Variants in RNF185 observed in about 807,000 individuals in gnomAD.
RNF185 encodes E3 ubiquitin-protein ligase RNF185.
In RNF185, 13 loss-of-function variants were observed where a neutral mutation model predicts 24.9. The observed-to-expected ratio is 0.52, with a 90% CI of 0.34 to 0.83. RNF185 has a LOEUF of 0.83. Ranked by LOEUF, RNF185 falls within the 40% of genes least tolerant of loss-of-function variation. The pLI, the probability that RNF185 is intolerant of heterozygous loss-of-function variation, is 0.01. For synonymous variants in RNF185, 79 were observed against 90.3 expected, an observed-to-expected ratio of 0.88 and a Z score of 0.71; for missense variants, 184 against 244.7, an observed-to-expected ratio of 0.75 and a Z score of 1.65.
chr22:31,184,476 C>T (rs1327312007), intron 1 of RNF185, among the ~76,000 whole-genome samples: 4 of 151,760 alleles, frequency 2.6e-5, no homozygotes, highest in Admixed American at 6.6e-5. Flanking sequence ...AGACGATGGG[C>T]GGCCAGGCAG....
chr22:31,187,674 T>C (rs2048113135), intron 2 of RNF185, among the ~76,000 whole-genome samples: 1 of 152,228 alleles, frequency 6.6e-6, no homozygotes, highest in African/African-American at 2.4e-5. Flanking sequence ...TGCCTCATTT[T>C]ACAGGGTCGT....
chr22:31,196,426 A>G (rs1004247859), intron 4 of RNF185, among the ~76,000 whole-genome samples: 7 of 152,152 alleles, frequency 4.6e-5, no homozygotes, highest in African/African-American at 1.7e-4. Flanking sequence ...CTAAGCCCTC[A>G]ATTGAGTATT....
Position 31,187,262 on chromosome 22 carries a change from C to T in RNF185, c.168C>T (p.His56=), listed in dbSNP as rs2048109377. ...AKDAVISLCG[H]LFCWPCLHQW... ...ATGCCGTCATCAGCCTGTGTGGCCA[C>T]CTCTTCTGGTCAGTACCCCTACTTC... The change falls in exon 2 of 7, where the codon CAC becomes CAT. Residue 56 remains histidine (H), a synonymous_variant. Coordinates refer to ENST00000326132, the MANE Select transcript of RNF185 (RefSeq NM_152267.4). The T allele has an allele frequency of 6.2e-7, 1 of 1,613,962 alleles. No individual in the cohort carries two copies. Among genetic ancestry groups the T allele is most frequent in the Non-Finnish European group, 8.5e-7 (1 of 1,179,868 alleles).
chr22:31,204,047 GA>G (rs34570885), intron 6 of RNF185, among the ~76,000 whole-genome samples: 50,498 of 112,068 alleles, frequency 0.45, 10,726 homozygotes, highest in Middle Eastern at 0.59. Flanking sequence ...ACCTCAAAAA[GA>G]AAAAAAAAAA....
chr22:31,172,030 T>TA (rs548668362), intron 1 of RNF185, among the ~76,000 whole-genome samples: 1 of 152,244 alleles, frequency 6.6e-6, no homozygotes, highest in Non-Finnish European at 1.5e-5. Flanking sequence ...TATTAAAATT[T>TA]AAAAAGTTTT....
intron 2 of RNF185, among the ~76,000 whole-genome samples, chr22:31,188,451 A>G (rs976605017): frequency 6.6e-6 from 1 of 152,206 alleles, no homozygotes; most frequent in African/African-American, 2.4e-5. Flanking sequence ...AATGATTGAC[A>G]AAATTAAGAA....
chr22:31,167,611 T>C (rs983878436), intron 1 of RNF185, among the ~76,000 whole-genome samples: 8 of 70,174 alleles, frequency 1.1e-4, no homozygotes, highest in African/African-American at 6.3e-4. Context: ...GGTTTTTTCC[T>C]TTTTTTTTTT....
At chr22:31,194,016 C>G (rs1418197827) in intron 3 of RNF185, among the ~76,000 whole-genome samples, 3 of 150,864 alleles carry the variant, frequency 2.0e-5, no homozygotes, top group Non-Finnish European at 4.4e-5. Context: ...CCTCAGCCTC[C>G]TGGGTAGCTG....
chr22:31,169,904 A>T (rs1280472236), intron 1 of RNF185, among the ~76,000 whole-genome samples: 6 of 152,024 alleles, frequency 3.9e-5, no homozygotes, highest in Non-Finnish European at 8.8e-5. Context: ...CCATCTCTTC[A>T]TTTCATTGGT....
intron 2 of RNF185, among the ~76,000 whole-genome samples, chr22:31,191,946 CTT>C (rs559098053): frequency 1.4e-5 from 2 of 145,192 alleles, no homozygotes; most frequent in Non-Finnish European, 3.0e-5. Flanking sequence ...AGTCAGGAGA[CTT>C]TTTTTTTTAA....
chr22:31,186,286 T>C (rs2048097271), intron 1 of RNF185, among the ~76,000 whole-genome samples: 1 of 152,126 alleles, frequency 6.6e-6, no homozygotes, highest in Non-Finnish European at 1.5e-5. Flanking sequence ...TATCCTTTCA[T>C]AGTTACAGGA....
chr22:31,165,084 AT>A (rs560033280), intron 1 of RNF185, among the ~76,000 whole-genome samples: 364 of 138,152 alleles, frequency 2.6e-3, no homozygotes, highest in South Asian at 4.3e-3. Context: ...CTAATTTTGT[AT>A]TTTTTTTTTT....
intron 1 of RNF185, among the ~76,000 whole-genome samples, chr22:31,165,065 C>T (rs1241294831): frequency 6.6e-6 from 1 of 151,498 alleles, no homozygotes; most frequent in African/African-American, 2.4e-5. Flanking sequence ...CATGCACCAC[C>T]ACGCCCGGCT....
At chr22:31,188,155 G>T (rs1453251140) in intron 2 of RNF185, among the ~76,000 whole-genome samples, 2 of 152,142 alleles carry the variant, frequency 1.3e-5, no homozygotes, top group African/African-American at 4.8e-5. Context: ...GGTTACAGTA[G>T]TGTTGAGCCA....
At chr22:31,183,968 G>A (rs1253107002) in intron 1 of RNF185, among the ~76,000 whole-genome samples, 10 of 2,028 alleles carry the variant, frequency 4.9e-3, no homozygotes, top group South Asian at 0.023. Flanking sequence ...CTGTCCAGGC[G>A]GGGGCTGCCC....
chr22:31,170,191 T>TTGTTTG (rs1555880801), intron 1 of RNF185, among the ~76,000 whole-genome samples: 2 of 151,674 alleles, frequency 1.3e-5, no homozygotes, highest in Non-Finnish European at 2.9e-5. Context: ...TGTTTTTTTT[T>TTGTTTG]TTTGTTTGTT....
intron 4 of RNF185, among the ~76,000 whole-genome samples, chr22:31,196,081 G>A (rs1800069706): frequency 6.6e-6 from 1 of 152,218 alleles, no homozygotes; most frequent in Non-Finnish European, 1.5e-5. Context: ...AGCATATGCT[G>A]TGTACCCGAC....
rs375312055 is a variant in RNF185, at chr22:31,199,144, G to A, written c.363+2154G>A. Among the ~76,000 whole-genome samples the A allele has an allele frequency of 2.2e-4, 34 of 151,794 alleles. No individual in the cohort carries two copies. In the East Asian group the frequency reaches 6.4e-3, roughly 29 times the overall value. ...GAAAGAAATTAAGGTTCTCTTCTCC[G>A]GATTACCCTTAATAATAATACTAGC... On this transcript the variant is annotated intron_variant, in intron 5 of 6. Coordinates refer to ENST00000326132, the MANE Select transcript of RNF185 (RefSeq NM_152267.4).
At chr22:31,199,195 A>G (rs2147963097) in intron 5 of RNF185, among the ~76,000 whole-genome samples, 1 of 152,268 alleles carries the variant, frequency 6.6e-6, no homozygotes, top group African/African-American at 2.4e-5. Context: ...AATGGTTACT[A>G]TATGGAAATA....
Sources: gnomAD v4.1 joint callset for allele counts (sites outside exome capture counted in the v4.1 genomes callset) on GRCh38, gnomAD v4.1.1 for gene constraint, MANE v1.5 for transcripts, NCBI Gene and HGNC (gene_info 2026-07-23, HGNC 2026-07-21) for gene names.